Variants in PGR observed in about 807,000 individuals in gnomAD.
The protein encoded by PGR is nuclear receptor subfamily 3 group C member 3.
PGR carries 25 observed loss-of-function variants against 76.1 expected under a neutral mutation model. That is an observed-to-expected ratio of 0.33 (90% CI 0.24 to 0.46). The LOEUF (loss-of-function observed/expected upper bound fraction) is 0.46. PGR is among the 20% of genes least tolerant of loss of function. PGR has a pLI of 1.00. For synonymous variants in PGR, 579 were observed against 535.0 expected (o/e 1.08, Z -1.14); for missense variants, 1,172 against 1,225.3 (o/e 0.96, Z 0.65).
chr11:101,038,654 T>C lies in PGR; in HGVS notation c.*462A>G. 4.3e-6 allele frequency: 1 copy of C among 231,746 alleles called. No homozygotes were observed. The highest frequency in any genetic ancestry group is 8.5e-6 in the Non-Finnish European group (1 of 117,226). 14.4% of individuals were successfully genotyped at this position (231,746 alleles called of 1,614,324 possible). On this transcript the variant is annotated 3_prime_UTR_variant, in exon 8 of 8. Coordinates refer to ENST00000325455, the MANE Select transcript of PGR (RefSeq NM_000926.4). ...GTTATGAATTTCCTCCTCACACAAA[T>C]ATATATAGACAAAATTTTGCATACC...
chr11:101,089,918 G>T (rs1353019521), intron 3 of PGR, among the ~76,000 whole-genome samples: 1 of 152,178 alleles, frequency 6.6e-6, no homozygotes, highest in Non-Finnish European at 1.5e-5. Context: ...TATGCTAAAG[G>T]CCGGGTGCAG....
At chr11:101,085,083 G>A (rs1286481998) in intron 3 of PGR, among the ~76,000 whole-genome samples, 1 of 152,082 alleles carries the variant, frequency 6.6e-6, no homozygotes, top group African/African-American at 2.4e-5. Flanking sequence ...TTGTCCAATT[G>A]GATCTAATAA....
At chr11:101,118,863 C>G (rs1389177353) in intron 2 of PGR, among the ~76,000 whole-genome samples, 2 of 152,178 alleles carry the variant, frequency 1.3e-5, no homozygotes, top group Non-Finnish European at 2.9e-5. Context: ...GGAAGATATA[C>G]AGAGTATGTG....
chr11:101,073,363 AC>A (rs1353304756), intron 3 of PGR, among the ~76,000 whole-genome samples: 1 of 152,252 alleles, frequency 6.6e-6, no homozygotes, highest in African/African-American at 2.4e-5. Context: ...CTAAATGTCC[AC>A]AGGAGAAAGT....
chr11:101,121,886 G>C (rs1043744289), intron 2 of PGR, among the ~76,000 whole-genome samples: 1 of 152,172 alleles, frequency 6.6e-6, no homozygotes, highest in African/African-American at 2.4e-5. Flanking sequence ...ATGAGGACAG[G>C]CCAGGTGTGG....
chr11:101,049,252 C>A (rs1014406302), intron 6 of PGR, among the ~76,000 whole-genome samples: 1 of 152,138 alleles, frequency 6.6e-6, no homozygotes, highest in Admixed American at 6.6e-5. Flanking sequence ...ACGGAGTTGT[C>A]ATCTCCCAGG....
intron 3 of PGR, among the ~76,000 whole-genome samples, chr11:101,078,499 G>A (rs1861197642): frequency 6.6e-6 from 1 of 152,086 alleles, no homozygotes. Context: ...ATGTTTTCTA[G>A]AAGAAAGAAG....
At chr11:101,097,788 T>A (rs922639952) in intron 2 of PGR, among the ~76,000 whole-genome samples, 6 of 151,402 alleles carry the variant, frequency 4.0e-5, no homozygotes, top group African/African-American at 1.5e-4. Context: ...CTTTTTTTTT[T>A]TTTTTTTGAG....
At chr11:101,050,187 A>G in intron 5 of PGR, 128 bp from the exon 6 acceptor site, 1 of 893,446 alleles carries the variant, frequency 1.1e-6, no homozygotes, top group Non-Finnish European at 1.7e-6. Context: ...AATGACTACT[A>G]CTTTTAATAA....
intron 6 of PGR, among the ~76,000 whole-genome samples, chr11:101,042,470 C>CT (rs988262484): frequency 1.3e-5 from 2 of 151,868 alleles, no homozygotes; most frequent in South Asian, 2.1e-4. Flanking sequence ...TAATCTGGAT[C>CT]TTTTTTTTCC....
chr11:101,125,013 G>GAAAC (rs1315007941), intron 2 of PGR, among the ~76,000 whole-genome samples: 2 of 151,862 alleles, frequency 1.3e-5, no homozygotes, highest in Admixed American at 6.6e-5. Context: ...GAGGGCTGTT[G>GAAAC]AAACAAACAA....
At chr11:101,099,768 G>A (rs898370555) in intron 2 of PGR, among the ~76,000 whole-genome samples, 1 of 149,156 alleles carries the variant, frequency 6.7e-6, no homozygotes, top group Non-Finnish European at 1.5e-5. Flanking sequence ...TATCCCACTA[G>A]AGGAAGAGCA....
At chr11:101,078,858 T>G (rs1861214247) in intron 3 of PGR, among the ~76,000 whole-genome samples, 1 of 152,220 alleles carries the variant, frequency 6.6e-6, no homozygotes, top group South Asian at 2.1e-4. Flanking sequence ...GTTTTATCTT[T>G]TGTTATTTAA....
intron 3 of PGR, among the ~76,000 whole-genome samples, chr11:101,074,382 C>T (rs897812946): frequency 6.6e-6 from 1 of 152,246 alleles, no homozygotes. Flanking sequence ...AATGAATAGG[C>T]AAAAGCTGAA....
At chr11:101,064,681 T>C (rs1860650576) in intron 3 of PGR, among the ~76,000 whole-genome samples, 1 of 152,196 alleles carries the variant, frequency 6.6e-6, no homozygotes, top group African/African-American at 2.4e-5. Flanking sequence ...TTCCAGTGTC[T>C]TTTGGCAATA....
At chr11:101,126,420 T>TA (rs1320764591) in intron 1 of PGR, among the ~76,000 whole-genome samples, 1 of 152,216 alleles carries the variant, frequency 6.6e-6, no homozygotes, top group African/African-American at 2.4e-5. Context: ...CCTAGAAAGT[T>TA]AAAGTCGGTT....
Position 101,032,486 on chromosome 11 carries a change from T to A in PGR, c.*6630A>T, listed in dbSNP as rs1859382259. On this transcript the variant is annotated 3_prime_UTR_variant, in exon 8 of 8. Coordinates refer to ENST00000325455, the MANE Select transcript of PGR (RefSeq NM_000926.4). Reference sequence around the variant, plus strand: ...CTGGCTTTCTTCTTCAGTCTCATCATCCATCCCCACCCCACATTCTCTCTC... The same window carrying A: ...CTGGCTTTCTTCTTCAGTCTCATCAACCATCCCCACCCCACATTCTCTCTC... 4.3e-6 allele frequency: 1 copy of A among 232,874 alleles called. No individual in the cohort carries two copies. Among genetic ancestry groups the A allele is most frequent in the African/African-American group, 2.2e-5 (1 of 45,422 alleles). 14.4% of individuals were successfully genotyped at this position (232,874 alleles called of 1,614,324 possible). A position where few individuals can be genotyped will look rare whatever the true frequency, so the allele number is the denominator to read the frequency against.
intron 6 of PGR, among the ~76,000 whole-genome samples, chr11:101,047,062 T>C (rs1241831564): frequency 6.7e-6 from 1 of 148,304 alleles, no homozygotes; most frequent in Non-Finnish European, 1.5e-5. Flanking sequence ...TTAAATAGTT[T>C]CTTTTTCTTC....
At chr11:101,055,822 A>C (rs1451038608) in intron 4 of PGR, among the ~76,000 whole-genome samples, 1 of 152,124 alleles carries the variant, frequency 6.6e-6, no homozygotes, top group Non-Finnish European at 1.5e-5. Context: ...TGGGACTAGA[A>C]ATCCAGGCTT....
Sources: gnomAD v4.1 joint callset for allele counts (sites outside exome capture counted in the v4.1 genomes callset) on GRCh38, gnomAD v4.1.1 for gene constraint, MANE v1.5 for transcripts, NCBI Gene and HGNC (gene_info 2026-07-23, HGNC 2026-07-21) for gene names.